The following USP6NL variants were observed in gnomAD, a reference collection of about 807,000 sequenced individuals.
USP6NL encodes the protein USP6 N-terminal-like protein.
In USP6NL, 26 loss-of-function variants were observed where a neutral mutation model predicts 61.9. That is an observed-to-expected ratio of 0.42 (90% CI 0.31 to 0.58). USP6NL has a LOEUF of 0.58. Ranked by LOEUF, USP6NL falls within the 20% of genes least tolerant of loss-of-function variation. The probability of loss-of-function intolerance (pLI) is 0.16; values close to 1 mark genes in which losing one functional copy is unlikely to be tolerated. For synonymous variants in USP6NL, 432 were observed against 390.1 expected, an observed-to-expected ratio of 1.11 and a Z score of -1.27; for missense variants, 1,114 against 1,034.3, an observed-to-expected ratio of 1.08 and a Z score of -1.06.
At chr10:11,522,639 T>C (rs1013039033) in intron 4 of USP6NL, among the ~76,000 whole-genome samples, 1 of 152,198 alleles carries the variant, frequency 6.6e-6, no homozygotes, top group Non-Finnish European at 1.5e-5. Context: ...AAAATTAGTG[T>C]GATAAAAAGT....
chr10:11,564,915 T>C (rs1837075033), intron 2 of USP6NL: 1 of 152,228 alleles, frequency 6.6e-6, no homozygotes, highest in Admixed American at 6.5e-5. Context: ...TTTGGGACAG[T>C]ACATGCAATC....
At chr10:11,506,521 T>G (rs987989555) in intron 6 of USP6NL, among the ~76,000 whole-genome samples, 1 of 152,034 alleles carries the variant, frequency 6.6e-6, no homozygotes, top group Non-Finnish European at 1.5e-5. Context: ...TGGTGGTGCT[T>G]GCCTACAGTC....
intron 6 of USP6NL, among the ~76,000 whole-genome samples, chr10:11,505,755 T>C (rs1044945701): frequency 4.6e-5 from 7 of 152,224 alleles, no homozygotes; most frequent in African/African-American, 1.7e-4. Context: ...CAGTGACAAG[T>C]GTGCAATCCA....
Position 11,511,699 on chromosome 10 carries a change from G to T in USP6NL, c.196-2024C>A, listed in dbSNP as rs1235192411. On this transcript the variant is annotated intron_variant, in intron 5 of 14. Transcript: ENST00000609104. The surrounding 1 kb of genome is among the most constrained non-coding windows in gnomAD (Gnocchi z 4.9). ...AATTCTAATGCTTATCATATATACA[G>T]ATTATTTTAAATGCTATACATTCCC... Among the ~76,000 whole-genome samples the T allele has an allele frequency of 6.6e-6, 1 of 151,872 alleles. No individual in the cohort carries two copies. Among genetic ancestry groups the T allele is most frequent in the Non-Finnish European group, 1.5e-5 (1 of 67,986 alleles).
In USP6NL at chr10:11,485,639, T is replaced by C. The variant is rs191173629; in HGVS notation, c.759+178A>G. 4.3e-3 allele frequency among the ~76,000 whole-genome samples: 654 copies of C among 152,310 alleles called. 2 individuals are homozygous for C. The highest frequency in any genetic ancestry group is 5.8e-3 in the Non-Finnish European group (397 of 68,014). ...CCTCAGTAAGAACTGTGATAGCCTGTCAATATTAAATTTTACAAATCTAAT... is the reference window on the plus strand; with the variant it reads ...CCTCAGTAAGAACTGTGATAGCCTGCCAATATTAAATTTTACAAATCTAAT... On this transcript the variant is annotated intron_variant, in intron 11 of 14. Coordinates refer to ENST00000609104, the MANE Select transcript of USP6NL (RefSeq NM_014688.5). The surrounding 1 kb of genome is among the most constrained non-coding windows in gnomAD (Gnocchi z 4.8).
chr10:11,515,852 G>C (rs915753485), intron 5 of USP6NL, among the ~76,000 whole-genome samples: 1 of 152,094 alleles, frequency 6.6e-6, no homozygotes, highest in African/African-American at 2.4e-5. Context: ...TCTTTTTACA[G>C]AACACCCTGA....
At chr10:11,507,179 T>C (rs1834486887) in intron 6 of USP6NL, among the ~76,000 whole-genome samples, 1 of 152,226 alleles carries the variant, frequency 6.6e-6, no homozygotes, top group African/African-American at 2.4e-5. Flanking sequence ...TTCATAGGCA[T>C]ATGTAGACCA....
chr10:11,496,907 AAAACAG>A lies in USP6NL; in HGVS notation c.385-3685_385-3680del, dbSNP rs1399510909. ...AGAGAAGGGGCTTCTGCAGCTTTTT[AAAACAG>A]GAAGAACAGCCACAGTATGTTTCAG... On this transcript the variant is annotated intron_variant, in intron 7 of 14. Coordinates refer to ENST00000609104, the MANE Select transcript of USP6NL (RefSeq NM_014688.5). The surrounding 1 kb of genome is among the most constrained non-coding windows in gnomAD (Gnocchi z 5.4). 1.3e-5 allele frequency among the ~76,000 whole-genome samples: 2 copies of A among 152,120 alleles called. No homozygotes were observed. The highest frequency in any genetic ancestry group is 2.9e-5 in the Non-Finnish European group (2 of 68,024).
chr10:11,532,471 A>G lies in USP6NL; in HGVS notation c.5-4904T>C, dbSNP rs1835698200. On this transcript the variant is annotated intron_variant, in intron 2 of 14. Transcript: ENST00000609104. This position sits in a 1 kb window ranked among gnomAD's most constrained non-coding sequence, Gnocchi z 4.1. The stretch of plus-strand genomic sequence containing the variant: ...GGTTACACAGACTATATATTTTCAA[A>G]CAAAGCTGATCATTGTTGAGGGTGA... Among the ~76,000 whole-genome samples, 1 of 152,210 alleles carries G rather than the reference A, an allele frequency of 6.6e-6. No individual in the cohort carries two copies. The highest frequency in any genetic ancestry group is 1.5e-5 in the Non-Finnish European group (1 of 68,034).
At position 11,482,176 on chromosome 10, in the gene USP6NL, T is replaced by G. The variant is rs886145106; in HGVS notation, c.926-254A>C. Among the ~76,000 whole-genome samples, 1 of 152,108 alleles carries G rather than the reference T, an allele frequency of 6.6e-6. No individual in the cohort carries two copies. The highest frequency in any genetic ancestry group is 1.5e-5 in the Non-Finnish European group (1 of 68,026). Reference sequence around the variant, plus strand: ...GAGGAGAATACTGCCTAATACTTCCTCATTGGAATAACCACACCTAGGCAT... The same window carrying G: ...GAGGAGAATACTGCCTAATACTTCCGCATTGGAATAACCACACCTAGGCAT... On this transcript the variant is annotated intron_variant, in intron 13 of 14. Transcript: ENST00000609104. This position sits in a 1 kb window ranked among gnomAD's most constrained non-coding sequence, Gnocchi z 4.0.
intron 2 of USP6NL, among the ~76,000 whole-genome samples, chr10:11,555,431 AAAATAT>A (rs1486424786): frequency 1.0e-4 from 8 of 77,938 alleles, no homozygotes; most frequent in African/African-American, 4.1e-4. Context: ...AAAAAAAAAA[AAAATAT>A]ATATATATAT....
chr10:11,570,298 C>A (rs554025332), intron 2 of USP6NL, among the ~76,000 whole-genome samples: 1 of 152,244 alleles, frequency 6.6e-6, no homozygotes, highest in South Asian at 2.1e-4. Context: ...TATCTCTACG[C>A]CCTTGCATCT....
intron 1 of USP6NL, among the ~76,000 whole-genome samples, chr10:11,599,359 C>T (rs1347431405): frequency 6.6e-6 from 1 of 152,184 alleles, no homozygotes; most frequent in Non-Finnish European, 1.5e-5. Context: ...AAATTTAAAA[C>T]TCCTAAATGG....
chr10:11,465,847 T>C lies in USP6NL; in HGVS notation c.1079-1998A>G, dbSNP rs1832428710. 6.6e-6 allele frequency among the ~76,000 whole-genome samples: 1 copy of C among 152,236 alleles called. No individual in the cohort carries two copies. The highest frequency in any genetic ancestry group is 2.1e-4 in the South Asian group (1 of 4,824). On this transcript the variant is annotated intron_variant, in intron 14 of 14. Coordinates refer to ENST00000609104, the MANE Select transcript of USP6NL (RefSeq NM_014688.5). The surrounding 1 kb of genome is among the most constrained non-coding windows in gnomAD (Gnocchi z 4.5). The stretch of plus-strand genomic sequence containing the variant: ...AAAACTGGATTGTTTTAAATAAATT[T>C]TAGGGACTGCCTTTTTCTGTTAGCA...
In USP6NL at chr10:11,463,004, A is replaced by G. The variant is rs746248463; in HGVS notation, c.1924T>C (p.Ser642Pro). The change falls in exon 15 of 15, where the codon TCT becomes CCT. Residue 642 changes from serine to proline, a missense_variant. Ser to Pro is a moderately conservative substitution (Grantham distance 74, BLOSUM62 -1). Transcript: ENST00000609104. The surrounding 1 kb of genome is among the most constrained non-coding windows in gnomAD (Gnocchi z 6.3). ...TTGGCAGTAGGGAAGTGTTTGGGAGAGTTTCCGTGGTAAACGGGGGGATTG... is the reference window on the plus strand; with the variant it reads ...TTGGCAGTAGGGAAGTGTTTGGGAGGGTTTCCGTGGTAAACGGGGGGATTG... ...YSNPPVYHGN[S>P]PKHFPTANSS... The G allele has an allele frequency of 6.2e-7, 1 of 1,613,612 alleles. No individual in the cohort carries two copies. The highest frequency in any genetic ancestry group is 1.1e-5 in the South Asian group (1 of 91,064).
chr10:11,593,736 C>A (rs968597702), intron 2 of USP6NL, among the ~76,000 whole-genome samples: 2 of 152,158 alleles, frequency 1.3e-5, no homozygotes, highest in African/African-American at 4.8e-5. Flanking sequence ...CATTATAAAG[C>A]TTCTAGATGG....
chr10:11,532,797 C>T lies in USP6NL; in HGVS notation c.5-5230G>A, dbSNP rs145239533. Reference sequence around the variant, plus strand: ...GAAAATTGTAGCCTCTGTTTCAGCCCGTTTCAGACAGGAAGCAAAATACAT... The same window carrying T: ...GAAAATTGTAGCCTCTGTTTCAGCCTGTTTCAGACAGGAAGCAAAATACAT... On this transcript the variant is annotated intron_variant, in intron 2 of 14. Coordinates refer to ENST00000609104, the MANE Select transcript of USP6NL (RefSeq NM_014688.5). This position sits in a 1 kb window ranked among gnomAD's most constrained non-coding sequence, Gnocchi z 4.1. Among the ~76,000 whole-genome samples, 1,289 of 152,182 alleles carry T rather than the reference C, an allele frequency of 8.5e-3. 15 individuals carry two copies. Among genetic ancestry groups the T allele is most frequent in the South Asian group, 0.038 (184 of 4,810 alleles).
rs1201107080 is a variant in USP6NL at position 11,495,627 on chromosome 10, A to T, written c.385-2399T>A. ...CATTACTAATATTTGTTATATTCAT[A>T]AGCTCTGTTGTTTTTGAGTGTTCCT... On this transcript the variant is annotated intron_variant, in intron 7 of 14. Transcript: ENST00000609104. This position sits in a 1 kb window ranked among gnomAD's most constrained non-coding sequence, Gnocchi z 4.6. 1.3e-5 allele frequency among the ~76,000 whole-genome samples: 2 copies of T among 152,110 alleles called. No homozygotes were observed. Among genetic ancestry groups the T allele is most frequent in the African/African-American group, 4.8e-5 (2 of 41,432 alleles).
rs1833416305 is a variant in USP6NL at position 11,485,371 on chromosome 10, T to A, written c.760-137A>T. ...TTCTCAAAATCACTCCAAGAATAAA[T>A]TCCTCTTAGGACTGTAATACAACAA... On this transcript the variant is annotated intron_variant, in intron 11 of 14. Transcript: ENST00000609104. The surrounding 1 kb of genome is among the most constrained non-coding windows in gnomAD (Gnocchi z 4.8). 7.4e-6 allele frequency: 5 copies of A among 672,388 alleles called. No homozygotes were observed. Among genetic ancestry groups the A allele is most frequent in the Non-Finnish European group, 1.2e-5 (5 of 410,146 alleles). The allele number at this position is 672,388 out of a possible 1,614,324, so 41.7% of individuals were successfully genotyped here.
Sources: allele counts gnomAD v4.1 joint callset (sites outside exome capture counted in the v4.1 genomes callset), GRCh38; gene constraint gnomAD v4.1.1; non-coding constraint Gnocchi (gnomAD v3.1); transcripts MANE v1.5; gene names NCBI Gene and HGNC (gene_info 2026-07-23, HGNC 2026-07-21).